Variants in PTPRD observed in about 807,000 individuals in gnomAD.
The protein encoded by PTPRD is protein tyrosine phosphatase receptor type D, also known as receptor-type tyrosine-protein phosphatase delta.
A neutral mutation model predicts 214.5 loss-of-function variants in PTPRD; 34 were observed. The ratio of observed to expected loss-of-function variants is 0.16; its 90% CI spans 0.12 to 0.21. The LOEUF (loss-of-function observed/expected upper bound fraction) is 0.21. PTPRD is among the 10% of genes least tolerant of loss of function. The pLI is 1.00. For synonymous variants in PTPRD, 1,128 were observed against 845.7 expected, an observed-to-expected ratio of 1.33 and a Z score of -5.79; for missense variants, 2,545 against 2,398.7, an observed-to-expected ratio of 1.06 and a Z score of -1.27.
chr9:10,095,315 T>C (rs2098472270), intron 3 of PTPRD, among the ~76,000 whole-genome samples: 1 of 151,508 alleles, frequency 6.6e-6, no homozygotes, highest in South Asian at 2.1e-4. Flanking sequence ...TATAGACTAC[T>C]TCATTACTTT....
chr9:9,929,873 C>A (rs1263797816), intron 5 of PTPRD, among the ~76,000 whole-genome samples: 5 of 152,182 alleles, frequency 3.3e-5, no homozygotes. Context: ...GAAATTACAG[C>A]TGGTCTGTTT....
At chr9:9,417,433 G>T (rs1404336510) in intron 8 of PTPRD, among the ~76,000 whole-genome samples, 1 of 151,922 alleles carries the variant, frequency 6.6e-6, no homozygotes, top group Non-Finnish European at 1.5e-5. Context: ...ACTTATTTTG[G>T]GTCTGTGCAA....
At chr9:10,351,940 C>A (rs1021912922) in intron 2 of PTPRD, among the ~76,000 whole-genome samples, 1 of 151,872 alleles carries the variant, frequency 6.6e-6, no homozygotes, top group African/African-American at 2.4e-5. Flanking sequence ...TAAAAACAGA[C>A]CGAGTTTTGA....
chr9:8,977,832 G>A (rs938503646), intron 11 of PTPRD, among the ~76,000 whole-genome samples: 1 of 151,904 alleles, frequency 6.6e-6, no homozygotes, highest in Non-Finnish European at 1.5e-5. Context: ...ATTTAGGGCT[G>A]GGAAAGACTG....
intron 11 of PTPRD, among the ~76,000 whole-genome samples, chr9:8,906,301 T>G (rs1233478760): frequency 6.6e-6 from 1 of 152,156 alleles, no homozygotes; most frequent in Non-Finnish European, 1.5e-5. Flanking sequence ...TTGAGCAAAT[T>G]AACTCTACCT....
chr9:10,179,563 C>A (rs576273213), intron 3 of PTPRD, among the ~76,000 whole-genome samples: 69 of 152,028 alleles, frequency 4.5e-4, no homozygotes, highest in Admixed American at 1.4e-3. Flanking sequence ...AGGGGTCAGA[C>A]AGGGAAGTAA....
intron 5 of PTPRD, among the ~76,000 whole-genome samples, chr9:9,812,819 AG>A (rs1187000988): frequency 6.6e-6 from 1 of 152,146 alleles, no homozygotes; most frequent in Non-Finnish European, 1.5e-5. Context: ...ATTTAAGAAA[AG>A]CAGAAGACAC....
intron 11 of PTPRD, among the ~76,000 whole-genome samples, chr9:8,923,099 T>G (rs752083028): frequency 9.2e-5 from 14 of 151,664 alleles, no homozygotes; most frequent in Non-Finnish European, 1.9e-4. Context: ...TGGAGCGCAA[T>G]GGTGTGGTCT....
At chr9:10,213,412 C>T (rs1354272979) in intron 3 of PTPRD, among the ~76,000 whole-genome samples, 5 of 152,046 alleles carry the variant, frequency 3.3e-5, no homozygotes, top group Non-Finnish European at 7.4e-5. Context: ...TTATAAGAAG[C>T]ATCTCTGCCT....
chr9:9,058,936 G>A (rs1272092550), intron 10 of PTPRD, among the ~76,000 whole-genome samples: 1 of 152,116 alleles, frequency 6.6e-6, no homozygotes, highest in Non-Finnish European at 1.5e-5. Flanking sequence ...TGGAATTTAG[G>A]TGAGTGCCCA....
At chr9:9,422,588 G>T (rs16929350) in intron 8 of PTPRD, among the ~76,000 whole-genome samples, 9,565 of 152,170 alleles carry the variant, frequency 0.063, 353 homozygotes, top group Middle Eastern at 0.17. Context: ...CTTGGGACAT[G>T]AGCTATTTTC....
At chr9:9,920,929 C>G (rs563217267) in intron 5 of PTPRD, among the ~76,000 whole-genome samples, 1 of 152,206 alleles carries the variant, frequency 6.6e-6, no homozygotes, top group South Asian at 2.1e-4. Context: ...CTCTATTAAT[C>G]TAGTTTAACT....
At chr9:9,684,833 A>G (rs183401466) in intron 7 of PTPRD, among the ~76,000 whole-genome samples, 5 of 151,734 alleles carry the variant, frequency 3.3e-5, no homozygotes, top group Admixed American at 2.6e-4. Context: ...CAAGGAATTT[A>G]AAGTCACACT....
chr9:10,570,142 C>T (rs1057033619), intron 2 of PTPRD, among the ~76,000 whole-genome samples: 1 of 152,112 alleles, frequency 6.6e-6, no homozygotes, highest in African/African-American at 2.4e-5. Flanking sequence ...GTCTCTCTCA[C>T]CCATCTTTCT....
chr9:8,954,669 A>G (rs946504745), intron 11 of PTPRD, among the ~76,000 whole-genome samples: 16 of 151,758 alleles, frequency 1.1e-4, no homozygotes, highest in East Asian at 1.9e-4. Flanking sequence ...CAAAACCAAC[A>G]TATTAGTTTG....
chr9:10,041,817 G>T (rs2097301374), intron 3 of PTPRD, among the ~76,000 whole-genome samples: 1 of 151,966 alleles, frequency 6.6e-6, no homozygotes. Flanking sequence ...ACTTAAATAA[G>T]ATATAAACTT....
chr9:9,856,888 T>C (rs948574741), intron 5 of PTPRD, among the ~76,000 whole-genome samples: 5 of 152,130 alleles, frequency 3.3e-5, no homozygotes, highest in East Asian at 1.9e-4. Flanking sequence ...AAATGTAAAA[T>C]AGAAATTTAG....
chr9:9,049,565 T>C (rs2099680681), intron 10 of PTPRD, among the ~76,000 whole-genome samples: 1 of 151,238 alleles, frequency 6.6e-6, no homozygotes, highest in South Asian at 2.1e-4. Context: ...GAATAGCATA[T>C]TTTCAAAAAG....
At chr9:8,435,621 T>A (rs2095312302) in intron 35 of PTPRD, among the ~76,000 whole-genome samples, 1 of 152,164 alleles carries the variant, frequency 6.6e-6, no homozygotes, top group Non-Finnish European at 1.5e-5. Flanking sequence ...TTGGCTTCAT[T>A]AAGGGTCCTT....
Sources: allele counts gnomAD v4.1 joint callset (sites outside exome capture counted in the v4.1 genomes callset), GRCh38; gene constraint gnomAD v4.1.1; transcripts MANE v1.5; gene names NCBI Gene and HGNC (gene_info 2026-07-23, HGNC 2026-07-21).